Variants in MLLT3 observed in about 807,000 individuals in gnomAD.
The protein encoded by MLLT3 is protein AF-9.
MLLT3 carries 4 observed loss-of-function variants against 53.2 expected under a neutral mutation model. The observed-to-expected ratio is 0.08, with a 90% confidence interval of 0.04 to 0.17. The LOEUF (loss-of-function observed/expected upper bound fraction) is 0.17. Ranked by LOEUF, MLLT3 falls within the 10% of genes least tolerant of loss-of-function variation. The pLI, the probability that MLLT3 is intolerant of heterozygous loss-of-function variation, is 1.00. For missense variants in MLLT3, 569 were observed against 684.0 expected (o/e 0.83, Z 1.87); for synonymous variants, 283 against 230.6 (o/e 1.23, Z -2.06).
intron 5 of MLLT3, among the ~76,000 whole-genome samples, chr9:20,374,931 T>G (rs1466447113): frequency 1.3e-5 from 2 of 152,228 alleles, no homozygotes; most frequent in Non-Finnish European, 2.9e-5. Flanking sequence ...AATGAGGTCA[T>G]GAACGTAGGG....
intron 7 of MLLT3, among the ~76,000 whole-genome samples, chr9:20,362,519 T>C (rs1040683314): frequency 6.6e-6 from 1 of 152,134 alleles, no homozygotes; most frequent in East Asian, 1.9e-4. Context: ...AGAGGTTATA[T>C]TCTCCTATTT....
chr9:20,471,006 C>T (rs1242116737), intron 2 of MLLT3, among the ~76,000 whole-genome samples: 4 of 151,914 alleles, frequency 2.6e-5, no homozygotes, highest in South Asian at 2.1e-4. Context: ...CCTTTCATCA[C>T]GTCCCTGAAA....
chr9:20,374,209 C>T (rs1342976825), intron 5 of MLLT3, among the ~76,000 whole-genome samples: 1 of 152,142 alleles, frequency 6.6e-6, no homozygotes, highest in Non-Finnish European at 1.5e-5. Context: ...ACAGTGAGAT[C>T]CCCATCTCTA....
chr9:20,508,994 G>C (rs1395310296), intron 2 of MLLT3, among the ~76,000 whole-genome samples: 1 of 152,190 alleles, frequency 6.6e-6, no homozygotes, highest in African/African-American at 2.4e-5. Context: ...GACATGACAA[G>C]GAATTACAGG....
In MLLT3 at chr9:20,621,857, G is replaced by A; in HGVS notation, c.12+388C>T. 1 of 1,383,048 alleles carries A rather than the reference G, an allele frequency of 7.2e-7. No individual in the cohort carries two copies. Among genetic ancestry groups the A allele is most frequent in the East Asian group, 3.0e-5 (1 of 33,152 alleles). 85.7% of individuals were successfully genotyped at this position (1,383,048 alleles called of 1,614,324 possible). On this transcript the variant is annotated intron_variant, in intron 1 of 10. Coordinates refer to ENST00000380338, the MANE Select transcript of MLLT3 (RefSeq NM_004529.4). The surrounding 1 kb of genome is among the most constrained non-coding windows in gnomAD (Gnocchi z 7.0). The stretch of plus-strand genomic sequence containing the variant: ...CCGGACTGTGCCCGCAGCTCCCGGC[G>A]GCGGCGGCTGAAATATGGCTGAGTT...
At chr9:20,469,724 GA>G (rs35047538) in intron 2 of MLLT3, among the ~76,000 whole-genome samples, 3,957 of 137,764 alleles carry the variant, frequency 0.029, 153 homozygotes, top group African/African-American at 0.087. Context: ...GTGCAATCAG[GA>G]AAAAAAAAAA....
intron 5 of MLLT3, among the ~76,000 whole-genome samples, chr9:20,369,583 A>T (rs1001328761): frequency 1.2e-4 from 19 of 152,206 alleles, no homozygotes; most frequent in Non-Finnish European, 2.6e-4. Context: ...TAACTGCTCA[A>T]AGAGCCACTC....
At position 20,586,015 on chromosome 9, in the gene MLLT3, C is replaced by G. The variant is rs7031371; in HGVS notation, c.193+34639G>C. On this transcript the variant is annotated intron_variant, in intron 2 of 10. Coordinates refer to ENST00000380338, the MANE Select transcript of MLLT3 (RefSeq NM_004529.4). ...GCTGCTGACTTTTCAACCAGAAAGC[C>G]TCTTAAAGAGAATAAATATAGGCCA... Among the ~76,000 whole-genome samples the G allele has an allele frequency of 6.3e-3, 966 of 152,242 alleles. 9 individuals carry two copies. Among genetic ancestry groups the G allele is most frequent in the African/African-American group, 0.022 (920 of 41,520 alleles).
intron 5 of MLLT3, among the ~76,000 whole-genome samples, chr9:20,391,916 A>G (rs1822192393): frequency 6.6e-6 from 1 of 152,222 alleles, no homozygotes; most frequent in South Asian, 2.1e-4. Flanking sequence ...TACTATTAAT[A>G]TAATAAAGCC....
intron 5 of MLLT3, among the ~76,000 whole-genome samples, chr9:20,373,160 A>G (rs1183114573): frequency 1.4e-4 from 22 of 152,144 alleles, no homozygotes; most frequent in Non-Finnish European, 1.5e-5. Flanking sequence ...TTAAATTGAT[A>G]TAATAAAGTA....
chr9:20,527,777 T>C (rs1818240069), intron 2 of MLLT3, among the ~76,000 whole-genome samples: 1 of 152,202 alleles, frequency 6.6e-6, no homozygotes, highest in South Asian at 2.1e-4. Flanking sequence ...AAATTGAATA[T>C]CCAAGAGTCA....
intron 2 of MLLT3, among the ~76,000 whole-genome samples, chr9:20,507,602 C>G (rs1388160324): frequency 6.6e-6 from 1 of 152,078 alleles, no homozygotes; most frequent in Admixed American, 6.5e-5. Flanking sequence ...TCAAAGCCAG[C>G]AGATGATTTC....
intron 2 of MLLT3, among the ~76,000 whole-genome samples, chr9:20,457,358 C>T (rs1308180519): frequency 6.7e-6 from 1 of 149,520 alleles, no homozygotes; most frequent in African/African-American, 2.5e-5. Flanking sequence ...AAGCAATTCT[C>T]CTGCCTCAGC....
chr9:20,462,169 A>T (rs549940673), intron 2 of MLLT3, among the ~76,000 whole-genome samples: 16 of 152,332 alleles, frequency 1.1e-4, no homozygotes, highest in Admixed American at 3.9e-4. Context: ...ACATTTTGAA[A>T]ACAAAAATCA....
intron 2 of MLLT3, among the ~76,000 whole-genome samples, chr9:20,576,925 G>C (rs897876694): frequency 6.6e-6 from 1 of 152,124 alleles, no homozygotes; most frequent in Non-Finnish European, 1.5e-5. Context: ...AGAATCACCT[G>C]AGCCCACGAG....
At chr9:20,606,929 C>G (rs763333130) in intron 2 of MLLT3, among the ~76,000 whole-genome samples, 4 of 152,080 alleles carry the variant, frequency 2.6e-5, no homozygotes, top group Non-Finnish European at 4.4e-5. Context: ...AAAATAATGT[C>G]TTTCTACAAT....
chr9:20,587,580 T>G (rs1324449856), intron 2 of MLLT3, among the ~76,000 whole-genome samples: 2 of 152,250 alleles, frequency 1.3e-5, no homozygotes, highest in Non-Finnish European at 2.9e-5. Flanking sequence ...ATCTATAATG[T>G]GGCTTTCAAA....
intron 4 of MLLT3, chr9:20,418,549 A>G (rs1252178535): frequency 6.6e-6 from 1 of 152,268 alleles, no homozygotes; most frequent in Non-Finnish European, 1.5e-5. Context: ...GCCACGAGCT[A>G]ACGGGCGTCT....
At chr9:20,415,567 C>T in intron 4 of MLLT3, 1 of 305,584 alleles carries the variant, frequency 3.3e-6, no homozygotes, top group Non-Finnish European at 4.8e-6. Context: ...GAACCAAAGA[C>T]AAATAAATGT....
Sources: gnomAD v4.1 joint callset for allele counts (sites outside exome capture counted in the v4.1 genomes callset) on GRCh38, gnomAD v4.1.1 for gene constraint, Gnocchi (gnomAD v3.1) non-coding constraint, MANE v1.5 for transcripts, NCBI Gene and HGNC (gene_info 2026-07-23, HGNC 2026-07-21) for gene names.